The following DGCR2 variants were observed in gnomAD, a reference collection of about 807,000 sequenced individuals.
DGCR2 encodes the protein integral membrane protein DGCR2/IDD.
In DGCR2, 24 loss-of-function variants were observed where a neutral mutation model predicts 51.6. The observed-to-expected ratio is 0.47, with a 90% CI of 0.34 to 0.65. The LOEUF (loss-of-function observed/expected upper bound fraction) is 0.65. Among genes scored for constraint, DGCR2 ranks in the 30% least tolerant of loss-of-function variants. The probability of loss-of-function intolerance (pLI) is 0.01; values close to 1 mark genes in which losing one functional copy is unlikely to be tolerated. For missense variants in DGCR2, 765 were observed against 772.1 expected (o/e 0.99, Z 0.11); for synonymous variants, 340 against 315.4 (o/e 1.08, Z -0.82).
chr22:19,075,320 G>A (rs1321172828), intron 2 of DGCR2, among the ~76,000 whole-genome samples: 3 of 152,082 alleles, frequency 2.0e-5, no homozygotes, highest in Non-Finnish European at 4.4e-5. Context: ...GGTGGTGGAC[G>A]CCTGTAGTCC....
chr22:19,078,070 C>T (rs1368470730), intron 2 of DGCR2, among the ~76,000 whole-genome samples: 1 of 152,186 alleles, frequency 6.6e-6, no homozygotes. Flanking sequence ...CTCAAGTGAT[C>T]CACCCGCCTT....
In DGCR2 at chr22:19,064,985, G is replaced by A; in HGVS notation, c.411C>T (p.Asn137=). ...GGCAGGTCTGCGCGGCATCCCAGTA[G>A]TTCTCCCCGCTCAGGTAGACCCGGT... ...SCYRVYLSGE[N]YWDAAQTCQR... is the part of the protein sequence containing the mutation. Residue 137 remains asparagine (N), a synonymous_variant, in exon 4 of 10, where the codon AAC becomes AAT. Coordinates refer to ENST00000263196, the MANE Select transcript of DGCR2 (RefSeq NM_005137.3). 6.2e-7 allele frequency: 1 copy of A among 1,614,040 alleles called. No individual in the cohort carries two copies. Among genetic ancestry groups the A allele is most frequent in the Non-Finnish European group, 8.5e-7 (1 of 1,180,048 alleles).
chr22:19,062,779 A>ATTCATTCTCTCTCTCTGT, intron 5 of DGCR2, among the ~76,000 whole-genome samples: 1 of 127,354 alleles, frequency 7.9e-6, no homozygotes, highest in Non-Finnish European at 1.8e-5. Flanking sequence ...ATGCATGCTC[A>ATTCATTCTCTCTCTCTGT]CTCTCTCTCT....
At chr22:19,062,775 G>GCTGTCTGTCTGTCTCTCT (rs2082686000) in intron 5 of DGCR2, among the ~76,000 whole-genome samples, 1 of 108,860 alleles carries the variant, frequency 9.2e-6, no homozygotes, top group Non-Finnish European at 1.9e-5. Context: ...ACACATGCAT[G>GCTGTCTGTCTGTCTCTCT]CTCACTCTCT....
rs560419710 is a variant in DGCR2, at chr22:19,063,127, G to C, written c.625+75C>G. On this transcript the variant is annotated intron_variant, in intron 5 of 9. Coordinates refer to ENST00000263196, the MANE Select transcript of DGCR2 (RefSeq NM_005137.3). ...CTACGGGCCAGGCAGCACTGGGTAA[G>C]AGGGAGGAGGGGAGGCCCCGAATCA... 5.5e-5 allele frequency: 77 copies of C among 1,405,066 alleles called. No homozygotes were observed. The South Asian group carries it at 8.1e-4, about 15-fold the overall frequency. 87.0% of individuals were successfully genotyped at this position (1,405,066 alleles called of 1,614,324 possible). A position where few individuals can be genotyped will look rare whatever the true frequency, so the allele number is the denominator to read the frequency against.
chr22:19,045,426 T>TTTC (rs2082478586), intron 7 of DGCR2: 3 of 152,402 alleles, frequency 2.0e-5, no homozygotes, highest in Non-Finnish European at 1.5e-5. Flanking sequence ...TTCTGGACTG[T>TTTC]TGTGTTCCAC....
chr22:19,061,288 C>T (rs779717132), intron 5 of DGCR2: 1 of 153,304 alleles, frequency 6.5e-6, no homozygotes. Flanking sequence ...CACTCTGCAG[C>T]TTGCTTTTGG....
intron 2 of DGCR2, among the ~76,000 whole-genome samples, chr22:19,072,216 C>T (rs1454124999): frequency 6.6e-6 from 1 of 152,104 alleles, no homozygotes; most frequent in Non-Finnish European, 1.5e-5. Context: ...GATTCCCCAT[C>T]GCCATTTTTC....
At chr22:19,114,089 C>T (rs1257375542) in intron 1 of DGCR2, among the ~76,000 whole-genome samples, 1 of 126,554 alleles carries the variant, frequency 7.9e-6, no homozygotes, top group South Asian at 2.5e-4. Context: ...AAAAAAAGAA[C>T]GAGTTAAGAC....
At chr22:19,115,326 C>T (rs2083362830) in intron 1 of DGCR2, among the ~76,000 whole-genome samples, 1 of 152,220 alleles carries the variant, frequency 6.6e-6, no homozygotes, top group Non-Finnish European at 1.5e-5. Context: ...CCAGGCTGGG[C>T]AGCTGGTGAG....
At chr22:19,062,779 A>ATGCTGTCT in intron 5 of DGCR2, among the ~76,000 whole-genome samples, 1 of 127,354 alleles carries the variant, frequency 7.9e-6, no homozygotes, top group South Asian at 2.9e-4. Context: ...ATGCATGCTC[A>ATGCTGTCT]CTCTCTCTCT....
intron 6 of DGCR2, among the ~76,000 whole-genome samples, chr22:19,051,157 C>T (rs1207794224): frequency 7.1e-6 from 1 of 140,584 alleles, no homozygotes; most frequent in African/African-American, 2.7e-5. Context: ...CCACTTCACT[C>T]CAGCCTGGGC....
chr22:19,087,544 A>G (rs1272632413), intron 2 of DGCR2, among the ~76,000 whole-genome samples: 1 of 152,014 alleles, frequency 6.6e-6, no homozygotes, highest in Non-Finnish European at 1.5e-5. Flanking sequence ...CGCCCAGCTA[A>G]TTTTTGTATT....
chr22:19,099,021 G>A (rs1439489784), intron 1 of DGCR2, among the ~76,000 whole-genome samples: 1 of 152,174 alleles, frequency 6.6e-6, no homozygotes, highest in African/African-American at 2.4e-5. Flanking sequence ...AGACAATGAA[G>A]TGTCAGAAGT....
In DGCR2 at chr22:19,113,607, A is replaced by G. The variant is rs536399489; in HGVS notation, c.79+8521T>C. ...TCCAGTGTGGGGCAGGTAAGGTACA[A>G]GATGTGCCTGGTAAAAAGGAATTTC... On this transcript the variant is annotated intron_variant, in intron 1 of 9. Coordinates refer to ENST00000263196, the MANE Select transcript of DGCR2 (RefSeq NM_005137.3). Among the ~76,000 whole-genome samples, 3 of 152,296 alleles carry G rather than the reference A, an allele frequency of 2.0e-5. No homozygotes were observed. In the East Asian group the frequency reaches 5.8e-4, roughly 29 times the overall value.
rs999373127 is a variant in DGCR2, at chr22:19,041,450, T to C, written c.1160-156A>G. 4.2e-6 allele frequency: 3 copies of C among 706,904 alleles called. No homozygotes were observed. In the Admixed American group the frequency reaches 7.2e-5, roughly 17 times the overall value. 43.8% of individuals were successfully genotyped at this position (706,904 alleles called of 1,614,324 possible). On this transcript the variant is annotated intron_variant, in intron 8 of 9. Transcript: ENST00000263196. ...CCCTCGGCCACATTCGGCATCCCCA[T>C]GAGACCCCTGGTGTGCTCCGTGGCA...
chr22:19,108,168 T>A (rs968787296), intron 1 of DGCR2, among the ~76,000 whole-genome samples: 5 of 151,964 alleles, frequency 3.3e-5, no homozygotes, highest in African/African-American at 1.2e-4. Context: ...AACCTTGGGG[T>A]AGGCAAGGAT....
At chr22:19,120,272 C>T (rs1328484343) in intron 1 of DGCR2, among the ~76,000 whole-genome samples, 1 of 152,204 alleles carries the variant, frequency 6.6e-6, no homozygotes, top group Admixed American at 6.5e-5. Flanking sequence ...ATCCACCCCA[C>T]CCATGCCCTA....
chr22:19,065,195 G>C (rs942134541), intron 3 of DGCR2, 128 bp from the exon 4 acceptor site: 3 of 769,566 alleles, frequency 3.9e-6, no homozygotes, highest in Non-Finnish European at 6.3e-6. Context: ...TGAGGCTCAA[G>C]AGGACAAGGT....
Sources: allele counts gnomAD v4.1 joint callset (sites outside exome capture counted in the v4.1 genomes callset), GRCh38; gene constraint gnomAD v4.1.1; transcripts MANE v1.5; gene names NCBI Gene and HGNC (gene_info 2026-07-23, HGNC 2026-07-21).